The following CUX2 variants were observed in gnomAD, a reference collection of about 807,000 sequenced individuals.
The protein encoded by CUX2 is homeobox protein cut-like 2.
Under a neutral mutation model 144.8 loss-of-function variants are expected in CUX2, and 40 were observed. The ratio of observed to expected loss-of-function variants is 0.28; its 90% CI spans 0.21 to 0.36. The LOEUF is 0.36. CUX2 is among the 10% of genes least tolerant of loss of function. CUX2 has a pLI of 1.00. For synonymous variants in CUX2, 827 were observed against 875.6 expected, an observed-to-expected ratio of 0.94 and a Z score of 0.98; for missense variants, 1,615 against 1,994.0, an observed-to-expected ratio of 0.81 and a Z score of 3.62.
intron 3 of CUX2, among the ~76,000 whole-genome samples, chr12:111,233,455 T>A (rs1882584751): frequency 6.6e-6 from 1 of 152,136 alleles, no homozygotes; most frequent in Non-Finnish European, 1.5e-5. Context: ...TAACACTTAA[T>A]TAAAATACAT....
chr12:111,163,186 A>G lies in CUX2; in HGVS notation c.64-51014A>G, dbSNP rs536990908. Among the ~76,000 whole-genome samples the G allele has an allele frequency of 2.6e-5, 4 of 152,322 alleles. No individual in the cohort carries two copies. In the East Asian group the frequency reaches 7.7e-4, roughly 29 times the overall value. On this transcript the variant is annotated intron_variant, in intron 1 of 21. Transcript: ENST00000261726. ...TTTACCCACCTCATAGAATTGTTGTAAGAAGCAAACAAATGCTTAGAACTA... is the reference window on the plus strand; with the variant it reads ...TTTACCCACCTCATAGAATTGTTGTGAGAAGCAAACAAATGCTTAGAACTA...
chr12:111,345,717 C>T (rs1392943320), intron 21 of CUX2, among the ~76,000 whole-genome samples: 2 of 125,684 alleles, frequency 1.6e-5, no homozygotes, highest in Non-Finnish European at 1.6e-5. Context: ...GCGTGGGTGA[C>T]AGAGCGAGAC....
At chr12:111,147,507 C>A (rs1876763255) in intron 1 of CUX2, among the ~76,000 whole-genome samples, 1 of 152,244 alleles carries the variant, frequency 6.6e-6, no homozygotes, top group South Asian at 2.1e-4. Flanking sequence ...CAGTTCCAAG[C>A]TGGGATTAAG....
intron 3 of CUX2, among the ~76,000 whole-genome samples, chr12:111,224,450 C>G (rs1489203115): frequency 1.3e-5 from 2 of 151,944 alleles, no homozygotes; most frequent in Non-Finnish European, 2.9e-5. Flanking sequence ...TCCTGTGCCC[C>G]CCTTCTGCTC....
At chr12:111,122,527 A>G (rs1420618115) in intron 1 of CUX2, among the ~76,000 whole-genome samples, 1 of 152,226 alleles carries the variant, frequency 6.6e-6, no homozygotes, top group African/African-American at 2.4e-5. Flanking sequence ...TCCCTCTCCG[A>G]GTGCCTTAAA....
chr12:111,231,995 A>G (rs1252821040), intron 3 of CUX2, among the ~76,000 whole-genome samples: 1 of 152,022 alleles, frequency 6.6e-6, no homozygotes, highest in African/African-American at 2.4e-5. Context: ...AGTCTCAACT[A>G]CTCGAGAGGC....
intron 1 of CUX2, among the ~76,000 whole-genome samples, chr12:111,105,180 C>T (rs1049596039): frequency 1.3e-5 from 2 of 152,160 alleles, no homozygotes; most frequent in South Asian, 2.1e-4. Context: ...ACCTTCACTG[C>T]TTCTGGTGCT....
rs966912747 is a variant in CUX2 at position 111,037,975 on chromosome 12, G to T, written c.63+3735G>T. Among the ~76,000 whole-genome samples, 1 of 152,180 alleles carries T rather than the reference G, an allele frequency of 6.6e-6. No individual in the cohort carries two copies. The highest frequency in any genetic ancestry group is 2.4e-5 in the African/African-American group (1 of 41,438). On this transcript the variant is annotated intron_variant, in intron 1 of 21. Coordinates refer to ENST00000261726, the MANE Select transcript of CUX2 (RefSeq NM_015267.4). This position sits in a 1 kb window ranked among gnomAD's most constrained non-coding sequence, Gnocchi z 5.4. ...TTACATAGTACTAATCTGGGAGGAA[G>T]GGGCAAATTCTGCTTCGGGTGTCAG...
At chr12:111,122,916 C>G (rs182919660) in intron 1 of CUX2, among the ~76,000 whole-genome samples, 6 of 152,190 alleles carry the variant, frequency 3.9e-5, no homozygotes, top group Non-Finnish European at 4.4e-5. Context: ...GCAACAGAAG[C>G]CCAGGAAGGT....
intron 19 of CUX2, among the ~76,000 whole-genome samples, chr12:111,337,608 C>A (rs1031760664): frequency 6.6e-6 from 1 of 152,200 alleles, no homozygotes; most frequent in South Asian, 2.1e-4. Context: ...ACTGCTTGCT[C>A]CGAAGCTGTG....
intron 3 of CUX2, among the ~76,000 whole-genome samples, chr12:111,260,349 A>G (rs1884051267): frequency 6.6e-6 from 1 of 151,924 alleles, no homozygotes; most frequent in Non-Finnish European, 1.5e-5. Context: ...CTGTAATCCC[A>G]GCTACTCGGG....
At chr12:111,264,209 C>A (rs918161374) in intron 4 of CUX2, among the ~76,000 whole-genome samples, 1 of 152,206 alleles carries the variant, frequency 6.6e-6, no homozygotes, top group Non-Finnish European at 1.5e-5. Flanking sequence ...GAGGCAAGAC[C>A]TCCAGTACCT....
intron 3 of CUX2, among the ~76,000 whole-genome samples, chr12:111,231,479 G>A (rs1191025997): frequency 3.3e-5 from 5 of 152,202 alleles, no homozygotes; most frequent in African/African-American, 1.2e-4. Context: ...TGCTTTGTAA[G>A]CCACTGCAGG....
In CUX2 at chr12:111,293,828, G is replaced by T. The variant is rs1885822255; in HGVS notation, c.560+259G>T. Among the ~76,000 whole-genome samples the T allele has an allele frequency of 6.6e-6, 1 of 152,228 alleles. No homozygotes were observed. The highest frequency in any genetic ancestry group is 6.5e-5 in the Admixed American group (1 of 15,286). On this transcript the variant is annotated intron_variant, in intron 6 of 21. Coordinates refer to ENST00000261726, the MANE Select transcript of CUX2 (RefSeq NM_015267.4). This position sits in a 1 kb window ranked among gnomAD's most constrained non-coding sequence, Gnocchi z 4.5. Reference sequence around the variant, plus strand: ...CCCTACCTGGGAAATGGGGCTAAGGGTGGTCCATTCCTCAGCATTCTCTAG... The same window carrying T: ...CCCTACCTGGGAAATGGGGCTAAGGTTGGTCCATTCCTCAGCATTCTCTAG...
At position 111,068,861 on chromosome 12, in the gene CUX2, T is replaced by C. The variant is rs1388122632; in HGVS notation, c.63+34621T>C. On this transcript the variant is annotated intron_variant, in intron 1 of 21. Coordinates refer to ENST00000261726, the MANE Select transcript of CUX2 (RefSeq NM_015267.4). The surrounding 1 kb of genome is among the most constrained non-coding windows in gnomAD (Gnocchi z 4.9). ...TGGCTCATGCCTGTCATCCCAGCACTTTGGGAGGCCGAGGCGGGTGGATCA... is the reference window on the plus strand; with the variant it reads ...TGGCTCATGCCTGTCATCCCAGCACCTTGGGAGGCCGAGGCGGGTGGATCA... 6.6e-6 allele frequency among the ~76,000 whole-genome samples: 1 copy of C among 151,506 alleles called. No individual in the cohort carries two copies. The highest frequency in any genetic ancestry group is 1.5e-5 in the Non-Finnish European group (1 of 67,852).
chr12:111,100,030 G>A (rs1003271288), intron 1 of CUX2: 5 of 456,902 alleles, frequency 1.1e-5, no homozygotes, highest in Non-Finnish European at 1.8e-5. Flanking sequence ...TGCCGGTGGT[G>A]CTGCTGACGG....
intron 21 of CUX2, among the ~76,000 whole-genome samples, chr12:111,344,095 C>T (rs1292191438): frequency 6.6e-6 from 1 of 152,182 alleles, no homozygotes; most frequent in Non-Finnish European, 1.5e-5. Flanking sequence ...TATCATCTGG[C>T]TCAGAGCAGA....
chr12:111,235,789 A>G (rs1279063493), intron 3 of CUX2, among the ~76,000 whole-genome samples: 1 of 151,592 alleles, frequency 6.6e-6, no homozygotes, highest in East Asian at 1.9e-4. Flanking sequence ...GGAGCAGCAA[A>G]GTGGAGACAG....
intron 17 of CUX2, among the ~76,000 whole-genome samples, chr12:111,321,980 T>C (rs1887556414): frequency 6.6e-6 from 1 of 151,268 alleles, no homozygotes; most frequent in Admixed American, 6.6e-5. Flanking sequence ...CAGGCACCTA[T>C]GAGGAACAAA....
Sources: gnomAD v4.1 joint callset for allele counts (sites outside exome capture counted in the v4.1 genomes callset) on GRCh38, gnomAD v4.1.1 for gene constraint, Gnocchi (gnomAD v3.1) non-coding constraint, MANE v1.5 for transcripts, NCBI Gene and HGNC (gene_info 2026-07-23, HGNC 2026-07-21) for gene names.